The following THSD4 variants were observed in gnomAD, a reference collection of about 807,000 sequenced individuals.
THSD4 encodes the protein thrombospondin type-1 domain-containing protein 4.
Under a neutral mutation model 119.0 loss-of-function variants are expected in THSD4, and 69 were observed. The observed-to-expected ratio is 0.58, with a 90% confidence interval of 0.48 to 0.71. THSD4 has a LOEUF of 0.71. THSD4 is among the 30% of genes least tolerant of loss of function. The pLI, the probability that THSD4 is intolerant of heterozygous loss-of-function variation, is 0.00. For missense variants in THSD4, 1,393 were observed against 1,391.1 expected (o/e 1.00, Z -0.02); for synonymous variants, 524 against 540.4 (o/e 0.97, Z 0.42).
At chr15:71,460,703 A>G (rs2047418094) in intron 7 of THSD4, among the ~76,000 whole-genome samples, 1 of 152,170 alleles carries the variant, frequency 6.6e-6, no homozygotes, top group Non-Finnish European at 1.5e-5. Flanking sequence ...TGGGACAATT[A>G]TGAACATTAC....
chr15:71,384,118 G>A (rs1477493119), intron 6 of THSD4, among the ~76,000 whole-genome samples: 1 of 152,204 alleles, frequency 6.6e-6, no homozygotes, highest in Non-Finnish European at 1.5e-5. Context: ...GGTGGCTCAC[G>A]CCTGTAATCC....
At chr15:71,439,335 C>G (rs1379151756) in intron 7 of THSD4, among the ~76,000 whole-genome samples, 2 of 152,012 alleles carry the variant, frequency 1.3e-5, no homozygotes, top group African/African-American at 2.4e-5. Flanking sequence ...TTCACAATTC[C>G]CAGCAAAATG....
intron 3 of THSD4, chr15:71,183,255 C>G (rs543426771): frequency 6.6e-6 from 1 of 151,730 alleles, no homozygotes; most frequent in South Asian, 2.1e-4. Flanking sequence ...TAATTCACTA[C>G]CACGAGAATA....
chr15:71,699,089 A>G (rs2052229725), intron 8 of THSD4, among the ~76,000 whole-genome samples: 1 of 152,184 alleles, frequency 6.6e-6, no homozygotes, highest in South Asian at 2.1e-4. Context: ...TTATCATAAA[A>G]TGGTAATAAT....
At chr15:71,366,978 T>A (rs1394824361) in intron 6 of THSD4, among the ~76,000 whole-genome samples, 1 of 152,252 alleles carries the variant, frequency 6.6e-6, no homozygotes, top group Non-Finnish European at 1.5e-5. Context: ...AAAGAGCTCC[T>A]CTTTCAAGCT....
At chr15:71,343,701 A>G (rs1204245361) in intron 6 of THSD4, among the ~76,000 whole-genome samples, 1 of 148,358 alleles carries the variant, frequency 6.7e-6, no homozygotes, top group Non-Finnish European at 1.5e-5. Context: ...AATCTAGGAT[A>G]ATCTCATCTC....
intron 6 of THSD4, among the ~76,000 whole-genome samples, chr15:71,368,556 T>G (rs540709471): frequency 1.0e-3 from 158 of 152,304 alleles, no homozygotes; most frequent in African/African-American, 2.9e-3. Flanking sequence ...TTTCCCCATT[T>G]CTTGTTTTTG....
rs375385892 is a variant in THSD4 at position 71,619,982 on chromosome 15, T to C, written c.1153-40548T>C. ...AAGACTAGAGTTACATATAGCTCTT[T>C]AGAAATTCAGGTGTAGTCCTAGAAG... On this transcript the variant is annotated intron_variant, in intron 7 of 17. Transcript: ENST00000261862. Among the ~76,000 whole-genome samples the C allele has an allele frequency of 2.0e-5, 3 of 152,232 alleles. No individual in the cohort carries two copies. In the East Asian group the frequency reaches 5.8e-4, roughly 29 times the overall value.
chr15:71,351,203 G>A (rs1372684797), intron 6 of THSD4, among the ~76,000 whole-genome samples: 1 of 152,166 alleles, frequency 6.6e-6, no homozygotes, highest in Non-Finnish European at 1.5e-5. Context: ...CAGGCCATGA[G>A]CACTGCAAGA....
intron 7 of THSD4, among the ~76,000 whole-genome samples, chr15:71,535,434 A>G (rs143382597): frequency 2.6e-5 from 4 of 152,316 alleles, no homozygotes; most frequent in Non-Finnish European, 5.9e-5. Context: ...ATCATGAATA[A>G]TGCTGCTACG....
Position 71,528,834 on chromosome 15 carries a change from G to A in THSD4, c.1152+117011G>A, listed in dbSNP as rs575134613. ...TGGCAGGTGTTTAGGTTTCATGGAT[G>A]GTAAAGAGTAAGTCTGAGCTATCCA... On this transcript the variant is annotated intron_variant, in intron 7 of 17. Transcript: ENST00000261862. 2.4e-4 allele frequency among the ~76,000 whole-genome samples: 37 copies of A among 152,164 alleles called. 1 individual carries two copies. The highest frequency in any genetic ancestry group is 7.2e-4 in the Admixed American group (11 of 15,274).
rs398027839 is a variant in THSD4, at chr15:71,097,728, ATTT to A, written c.-80+731_-80+733del. ...AAGATGTATATATATATATATATAT[ATTT>A]TTTTTTTTAAGTCCAAAGCAAACTC... On this transcript the variant is annotated intron_variant, in intron 1 of 17. Coordinates refer to the THSD4 transcript ENST00000355327. Among the ~76,000 whole-genome samples the A allele has an allele frequency of 7.8e-3, 1,091 of 140,600 alleles. 16 individuals are homozygous for A. The highest frequency in any genetic ancestry group is 0.023 in the African/African-American group (859 of 36,918). The allele number at this position is 140,600 out of a possible 152,430, so 92.2% of individuals were successfully genotyped here.
chr15:71,440,208 A>T (rs374229819), intron 7 of THSD4, among the ~76,000 whole-genome samples: 12 of 152,272 alleles, frequency 7.9e-5, no homozygotes, highest in African/African-American at 2.6e-4. Flanking sequence ...TTGGATTCCA[A>T]CATTTGCTTT....
intron 4 of THSD4, among the ~76,000 whole-genome samples, chr15:71,236,051 C>T (rs894588903): frequency 5.3e-5 from 8 of 152,156 alleles, no homozygotes; most frequent in South Asian, 4.1e-4. Context: ...TCTGGTTCCT[C>T]GAGGGCAGTC....
intron 1 of THSD4, among the ~76,000 whole-genome samples, chr15:71,123,838 T>A (rs658430): frequency 0.08 from 12,162 of 152,292 alleles, 1,240 homozygotes; most frequent in African/African-American, 0.24. Flanking sequence ...AGATCTCTCA[T>A]AATTCAGACT....
chr15:71,193,877 A>AT (rs1277832887), intron 3 of THSD4, among the ~76,000 whole-genome samples: 1 of 151,808 alleles, frequency 6.6e-6, no homozygotes, highest in African/African-American at 2.4e-5. Context: ...CGCCCAGCTA[A>AT]TTTTTTTGTA....
upstream of THSD4, among the ~76,000 whole-genome samples, chr15:71,113,093 G>GGAGCCT (rs2040319549): frequency 6.6e-6 from 1 of 152,238 alleles, no homozygotes; most frequent in African/African-American, 2.4e-5. Context: ...GGAGGCCGCA[G>GGAGCCT]TGAGAGGATT....
intron 7 of THSD4, among the ~76,000 whole-genome samples, chr15:71,526,399 G>A (rs776788302): frequency 2.0e-5 from 3 of 152,154 alleles, no homozygotes; most frequent in Non-Finnish European, 4.4e-5. Flanking sequence ...TTCTTGTTAG[G>A]AGAGAGTCGC....
chr15:71,364,009 A>T (rs890859349), intron 6 of THSD4, among the ~76,000 whole-genome samples: 36 of 152,290 alleles, frequency 2.4e-4, no homozygotes, highest in African/African-American at 7.9e-4. Context: ...TATTCATTAA[A>T]GTTGTGTTAC....
Sources: allele counts gnomAD v4.1 joint callset (sites outside exome capture counted in the v4.1 genomes callset), GRCh38; gene constraint gnomAD v4.1.1; transcripts MANE v1.5; gene names NCBI Gene and HGNC (gene_info 2026-07-23, HGNC 2026-07-21).